Variants in ZNF777 observed in about 807,000 individuals in gnomAD.
ZNF777 encodes the protein zinc finger protein 777.
A neutral mutation model predicts 72.1 loss-of-function variants in ZNF777; 7 were observed. The observed-to-expected ratio is 0.10, with a 90% CI of 0.06 to 0.18. ZNF777 has a LOEUF of 0.18. Ranked by LOEUF, ZNF777 falls within the 10% of genes least tolerant of loss-of-function variation. The pLI, the probability that ZNF777 is intolerant of heterozygous loss-of-function variation, is 1.00. For missense variants in ZNF777, 828 were observed against 1,128.6 expected (o/e 0.73, Z 3.82); for synonymous variants, 545 against 483.5 (o/e 1.13, Z -1.67).
chr7:149,436,184 G>C lies in ZNF777; in HGVS notation c.1339+391C>G, dbSNP rs999443190. ...TTTGAAAACCATGCTCTCCAGGGCT[G>C]AAATCTTCAAGGTAGTTGAGGCTTC... On this transcript the variant is annotated intron_variant, in intron 5 of 5. Coordinates refer to ENST00000247930, the MANE Select transcript of ZNF777 (RefSeq NM_015694.3). The surrounding 1 kb of genome is among the most constrained non-coding windows in gnomAD (Gnocchi z 5.0). 6.6e-6 allele frequency among the ~76,000 whole-genome samples: 1 copy of C among 152,198 alleles called. No homozygotes were observed. Among genetic ancestry groups the C allele is most frequent in the African/African-American group, 2.4e-5 (1 of 41,452 alleles).
Position 149,432,380 on chromosome 7 carries a change from C to T in ZNF777, c.1892G>A (p.Gly631Asp). The change falls in exon 6 of 6, where the codon GGT (glycine) becomes GAT (aspartate). Residue 631 changes from glycine to aspartate, a missense_variant. Physicochemically the swap from Gly to Asp is moderately conservative, Grantham distance 94. This residue lies in a region of ZNF777 where 100 missense variants were observed against 106.2 expected (regional missense o/e 0.94). Transcript: ENST00000247930. ...GGGGCACTTGTAGGGCTTAGGGCCA[C>T]CGCCGCCGCTACCAGAGCTGGGTGA... is the stretch of plus-strand genomic sequence containing the variant. ...PKSPSSGSGG[G>D]GPKPYKCPEC... 1 of 1,612,956 alleles carries T rather than the reference C, an allele frequency of 6.2e-7. No homozygotes were observed.
intron 1 of ZNF777, chr7:149,459,851 G>A (rs1799911540): frequency 1.0e-6 from 1 of 984,420 alleles, no homozygotes; most frequent in South Asian, 4.7e-5. Context: ...GAGCGAGCGC[G>A]CCTCCGGGCG....
chr7:149,437,799 CTT>C (rs796721387), intron 4 of ZNF777, among the ~76,000 whole-genome samples: 5,358 of 115,628 alleles, frequency 0.046, 260 homozygotes, highest in African/African-American at 0.13. Flanking sequence ...ATGTTTGTTT[CTT>C]TTTCTTTTTT....
chr7:149,433,076 T>C, intron 5 of ZNF777, 144 bp from the exon 6 acceptor site: 1 of 1,303,744 alleles, frequency 7.7e-7, no homozygotes. Flanking sequence ...GTCCCCTCAT[T>C]GCGTCCCCTG....
At chr7:149,452,003 C>T (rs769706119) in intron 3 of ZNF777, among the ~76,000 whole-genome samples, 7 of 152,190 alleles carry the variant, frequency 4.6e-5, no homozygotes, top group South Asian at 2.1e-4. Context: ...CAGTGGCTCA[C>T]GCCTGTAATC....
At chr7:149,458,866 T>C (rs1799886203) in intron 1 of ZNF777, among the ~76,000 whole-genome samples, 1 of 152,112 alleles carries the variant, frequency 6.6e-6, no homozygotes, top group Non-Finnish European at 1.5e-5. Context: ...TGGTAGGGGG[T>C]TGGAGGGAGA....
Position 149,455,172 on chromosome 7 carries a change from C to G in ZNF777, c.846+5G>C. 1 of 1,608,294 alleles carries G rather than the reference C, an allele frequency of 6.2e-7. No homozygotes were observed. The highest frequency in any genetic ancestry group is 1.1e-5 in the South Asian group (1 of 90,272). Reference sequence around the variant, plus strand: ...CTTGGGAAGCCCCAGTTGGGATGTGCTTACCTTGGGAACTTCTCCATTGCT... The same window carrying G: ...CTTGGGAAGCCCCAGTTGGGATGTGGTTACCTTGGGAACTTCTCCATTGCT... On this transcript the variant is annotated splice_donor_5th_base_variant and intron_variant, in intron 2 of 5. Transcript: ENST00000247930. This position sits in a 1 kb window ranked among gnomAD's most constrained non-coding sequence, Gnocchi z 4.2.
intron 4 of ZNF777, among the ~76,000 whole-genome samples, chr7:149,448,485 CTATATATATA>C (rs61005836): frequency 0.05 from 5,256 of 104,590 alleles, 225 homozygotes; most frequent in East Asian, 0.15. Flanking sequence ...CAAAACAAAA[CTATATATATA>C]TATATATATA....
chr7:149,432,304 G>C lies in ZNF777; in HGVS notation c.1968C>G (p.Ile656Met). Residue 656 changes from isoleucine to methionine, a missense_variant, in exon 6 of 6, where the codon ATC (isoleucine) becomes ATG (methionine). Physicochemically the swap from Ile to Met is conservative, Grantham distance 10. This residue lies in a region of ZNF777 where 26 missense variants were observed against 62.1 expected (regional missense o/e 0.42). Transcript: ENST00000247930. ...SHKSSLTKHQ[I>M]THTGERPYTC... ...TGTAGGGCCGCTCACCCGTGTGCGT[G>C]ATCTGGTGTTTGGTCAGGCTGGACT... The C allele has an allele frequency of 6.2e-7, 1 of 1,610,098 alleles. No individual in the cohort carries two copies. The highest frequency in any genetic ancestry group is 8.5e-7 in the Non-Finnish European group (1 of 1,179,040).
rs1174749701 is a variant in ZNF777 at position 149,460,078 on chromosome 7, G to C, written c.-16+737C>G. On this transcript the variant is annotated intron_variant, in intron 1 of 5. Coordinates refer to ENST00000247930, the MANE Select transcript of ZNF777 (RefSeq NM_015694.3). The surrounding 1 kb of genome is among the most constrained non-coding windows in gnomAD (Gnocchi z 6.1). Reference sequence around the variant, plus strand: ...AGCCCGGGACACGCAGGCCGTCCCCGGGGCCCCGAGGCCGCGCGTCCGTGC... The same window carrying C: ...AGCCCGGGACACGCAGGCCGTCCCCCGGGCCCCGAGGCCGCGCGTCCGTGC... 1.0e-6 allele frequency: 1 copy of C among 980,966 alleles called. No homozygotes were observed. Among genetic ancestry groups the C allele is most frequent in the African/African-American group, 1.8e-5 (1 of 56,294 alleles). 60.8% of individuals were successfully genotyped at this position (980,966 alleles called of 1,614,324 possible).
chr7:149,456,493 G>A (rs1037392833), intron 1 of ZNF777, among the ~76,000 whole-genome samples: 3 of 152,194 alleles, frequency 2.0e-5, no homozygotes, highest in African/African-American at 7.2e-5. Flanking sequence ...CTGAGTTGTT[G>A]AAGCACTGAA....
chr7:149,436,653 T>C lies in ZNF777; in HGVS notation c.1261A>G (p.Thr421Ala). ...PDLDMQEPEN[T>A]LEESTEGSSE... is the part of the protein sequence containing the mutation. ...GAGCCTTCCGTGGACTCCTCCAGCG[T>C]GTTCTCTGGCTCCTGCATGTCCAGG... The change falls in exon 5 of 6, where the codon ACG becomes GCG. Residue 421 changes from threonine (T) to alanine (A), a missense_variant. Transcript: ENST00000247930. The surrounding 1 kb of genome is among the most constrained non-coding windows in gnomAD (Gnocchi z 5.0). 6.2e-7 allele frequency: 1 copy of C among 1,614,050 alleles called. No individual in the cohort carries two copies. Among genetic ancestry groups the C allele is most frequent in the South Asian group, 1.1e-5 (1 of 91,084 alleles).
rs571183325 is a variant in ZNF777 at position 149,455,581 on chromosome 7, C to G, written c.442G>C (p.Glu148Gln). The G allele has an allele frequency of 1.2e-6, 2 of 1,605,888 alleles. No homozygotes were observed. Among genetic ancestry groups the G allele is most frequent in the African/African-American group, 1.4e-5 (1 of 71,576 alleles). ...TGGAGCAGCGGGTCCATGTCAGTCT[C>G]GGGAACTGTTGGGGAAAGGGTCAGG... is the stretch of plus-strand genomic sequence containing the variant. ...DPLTLSPTVP[E>Q]TDMDPLLQSP... The change falls in exon 2 of 6, where the codon GAG becomes CAG. Residue 148 changes from glutamate (E) to glutamine (Q), a missense_variant. By Grantham distance (29) the Glu-to-Gln change is conservative. Transcript: ENST00000247930. This position sits in a 1 kb window ranked among gnomAD's most constrained non-coding sequence, Gnocchi z 4.2.
intron 3 of ZNF777, among the ~76,000 whole-genome samples, chr7:149,452,110 A>G (rs1422749702): frequency 6.6e-6 from 1 of 151,668 alleles, no homozygotes; most frequent in Non-Finnish European, 1.5e-5. Context: ...CTAAAAATAC[A>G]AAAAATTAGC....
intron 4 of ZNF777, among the ~76,000 whole-genome samples, chr7:149,450,759 G>A (rs919610870): frequency 1.3e-5 from 2 of 152,166 alleles, no homozygotes; most frequent in African/African-American, 4.8e-5. Context: ...CAGAGAGTGA[G>A]GTGACACTTG....
At chr7:149,457,015 C>T (rs931732643) in intron 1 of ZNF777, among the ~76,000 whole-genome samples, 9 of 152,032 alleles carry the variant, frequency 5.9e-5, no homozygotes, top group African/African-American at 1.2e-4. Context: ...CTGGGGTTTC[C>T]GACATGGGGA....
intron 5 of ZNF777, among the ~76,000 whole-genome samples, chr7:149,433,282 A>C (rs1207479688): frequency 6.6e-6 from 1 of 152,224 alleles, no homozygotes; most frequent in Non-Finnish European, 1.5e-5. Flanking sequence ...GGAAAGAAGG[A>C]AACCAGTACA....
chr7:149,432,796 G>A lies in ZNF777; in HGVS notation c.1476C>T (p.Pro492=), dbSNP rs200423934. 181 of 1,607,922 alleles carry A rather than the reference G, an allele frequency of 1.1e-4. No individual in the cohort carries two copies. The highest frequency in any genetic ancestry group is 8.5e-4 in the East Asian group (38 of 44,720). Reference sequence around the variant, plus strand: ...CCTCGCCCTCGGGGGACATCTCCCCGGGCAGCGGGGTCTGGTACATACTGG... The same window carrying A: ...CCTCGCCCTCGGGGGACATCTCCCCAGGCAGCGGGGTCTGGTACATACTGG... ...YEASMYQTPL[P]GEMSPEGEES... is the part of the protein sequence containing the mutation. The change falls in exon 6 of 6, where the codon CCC becomes CCT. Residue 492 remains proline (P), a synonymous_variant. Coordinates refer to ENST00000247930, the MANE Select transcript of ZNF777 (RefSeq NM_015694.3).
At chr7:149,456,997 G>A (rs528978410) in intron 1 of ZNF777, among the ~76,000 whole-genome samples, 2 of 152,192 alleles carry the variant, frequency 1.3e-5, no homozygotes, top group Non-Finnish European at 2.9e-5. Context: ...GGTGGTCTGG[G>A]TTCCACCCTG....
Sources: gnomAD v4.1 joint callset for allele counts (sites outside exome capture counted in the v4.1 genomes callset) on GRCh38, gnomAD v4.1.1 for gene constraint, gnomAD v4.1.1 regional missense constraint, Gnocchi (gnomAD v3.1) non-coding constraint, MANE v1.5 for transcripts, NCBI Gene and HGNC (gene_info 2026-07-23, HGNC 2026-07-21) for gene names.